The following TAF12 variants were observed in gnomAD, a reference collection of about 807,000 sequenced individuals.
The protein encoded by TAF12 is TATA-box binding protein associated factor 12, also known as transcription initiation factor TFIID subunit 12.
A neutral mutation model predicts 20.8 loss-of-function variants in TAF12; 3 were observed. The observed-to-expected ratio is 0.14, with a 90% CI of 0.07 to 0.37. The LOEUF (loss-of-function observed/expected upper bound fraction) is 0.37, where lower values mean the gene tolerates loss of function less well. TAF12 is among the 10% of genes least tolerant of loss of function. TAF12 has a pLI of 1.00. For synonymous variants in TAF12, 69 were observed against 70.2 expected (o/e 0.98, Z 0.09); for missense variants, 131 against 197.9 (o/e 0.66, Z 2.03).
chr1:28,633,892 A>G (rs1350368356), intron 1 of TAF12, among the ~76,000 whole-genome samples: 3 of 145,568 alleles, frequency 2.1e-5, no homozygotes, highest in Non-Finnish European at 4.5e-5. Flanking sequence ...AGCCTGGGCA[A>G]TGAAAGCGAA....
At chr1:28,610,728 G>A (rs1271926716) in intron 4 of TAF12, among the ~76,000 whole-genome samples, 1 of 152,060 alleles carries the variant, frequency 6.6e-6, no homozygotes, top group Non-Finnish European at 1.5e-5. Context: ...TAGGGAGGCT[G>A]AGCGGGGAGG....
chr1:28,624,120 A>G, intron 1 of TAF12: 1 of 444,392 alleles, frequency 2.3e-6, no homozygotes, highest in Non-Finnish European at 3.0e-6. Context: ...ACCAGGATCC[A>G]AGCAAACTGG....
Position 28,605,475 on chromosome 1 carries a change from C to A in TAF12, c.362-15G>T. 2.5e-6 allele frequency: 4 copies of A among 1,613,484 alleles called. No individual in the cohort carries two copies. Among genetic ancestry groups the A allele is most frequent in the Non-Finnish European group, 3.4e-6 (4 of 1,179,776 alleles). On this transcript the variant is annotated splice_polypyrimidine_tract_variant and intron_variant, in intron 4 of 5. Coordinates refer to ENST00000373824, the MANE Select transcript of TAF12 (RefSeq NM_005644.4). ...CCACTGGCGCTCTGCAAGGAAGAAG[C>A]CAGCACAGAGATAAACGTACCAAGA...
intron 4 of TAF12, among the ~76,000 whole-genome samples, chr1:28,611,526 A>G (rs756338020): frequency 5.3e-4 from 79 of 150,378 alleles, no homozygotes; most frequent in Non-Finnish European, 1.0e-3. Flanking sequence ...CTGGTGTCCT[A>G]TGAGAAGAAA....
At chr1:28,615,940 G>A (rs1317871826) in intron 3 of TAF12, among the ~76,000 whole-genome samples, 1 of 152,130 alleles carries the variant, frequency 6.6e-6, no homozygotes, top group Non-Finnish European at 1.5e-5. Flanking sequence ...TGTATTTAGT[G>A]ATGTCATGTT....
intron 1 of TAF12, among the ~76,000 whole-genome samples, chr1:28,637,999 T>G (rs1235507952): frequency 2.0e-5 from 3 of 151,834 alleles, no homozygotes; most frequent in Non-Finnish European, 4.4e-5. Context: ...TTTTGTTTAA[T>G]TATTATTATT....
At chr1:28,610,689 T>C (rs1372072350) in intron 4 of TAF12, among the ~76,000 whole-genome samples, 1 of 151,112 alleles carries the variant, frequency 6.6e-6, no homozygotes, top group East Asian at 2.0e-4. Flanking sequence ...CAGCCGGGCA[T>C]GGTGGCTCAC....
Position 28,621,960 on chromosome 1 carries a change from G to A in TAF12, c.122C>T (p.Pro41Leu). ...MANSTAVVKIPGTPGAGGRLS... is the reference protein window; with the variant it reads ...MANSTAVVKILGTPGAGGRLS... The stretch of plus-strand genomic sequence containing the variant: ...ACGACCTCCTGCCCCAGGAGTGCCT[G>A]GTATCTTTACCACTGCAGTACTATT... Residue 41 changes from proline (P) to leucine (L), a missense_variant, in exon 2 of 6, where the codon CCA becomes CTA. Physicochemically the swap from Pro to Leu is moderately conservative, Grantham distance 98 (BLOSUM62 -3). Around this residue, in one of 3 missense-constraint regions of TAF12, gnomAD observed 63 missense variants for 72.1 expected, o/e 0.87. Coordinates refer to ENST00000373824, the MANE Select transcript of TAF12 (RefSeq NM_005644.4). 1.2e-5 allele frequency: 20 copies of A among 1,613,810 alleles called. No homozygotes were observed. Among genetic ancestry groups the A allele is most frequent in the Non-Finnish European group, 1.7e-5 (20 of 1,179,952 alleles).
rs1185058912 is a variant in TAF12 at position 28,623,453 on chromosome 1, A to G, written c.-84-1288T>C. Among the ~76,000 whole-genome samples the G allele has an allele frequency of 4.0e-5, 6 of 151,882 alleles. No individual in the cohort carries two copies. The South Asian group carries it at 1.0e-3, about 26-fold the overall frequency. On this transcript the variant is annotated intron_variant, in intron 1 of 5. Transcript: ENST00000373824. ...GAAGAATTGCTTGAACTCGGGATGC[A>G]GAGGTTGACGAAACTCCATCTCAAA... is the stretch of plus-strand genomic sequence containing the variant.
At chr1:28,639,846 C>CTT (rs113418227) in intron 1 of TAF12, among the ~76,000 whole-genome samples, 2 of 145,772 alleles carry the variant, frequency 1.4e-5, no homozygotes, top group Admixed American at 6.9e-5. Context: ...TTTCAAATTA[C>CTT]TTTTTTTTTT....
chr1:28,618,113 C>A, intron 2 of TAF12, 83 bp from the exon 3 acceptor site: 1 of 1,363,680 alleles, frequency 7.3e-7, no homozygotes, highest in Non-Finnish European at 1.0e-6. Context: ...GAAAGGCTGT[C>A]AAATTGTTGG....
chr1:28,647,833 C>T (rs1668237060), upstream of TAF12, among the ~76,000 whole-genome samples: 1 of 151,664 alleles, frequency 6.6e-6, no homozygotes, highest in Admixed American at 6.6e-5. Context: ...GATATCGCGC[C>T]ACTGCACTGC....
chr1:28,624,642 G>A (rs1214989902), intron 1 of TAF12, among the ~76,000 whole-genome samples: 1 of 152,114 alleles, frequency 6.6e-6, no homozygotes, highest in Non-Finnish European at 1.5e-5. Context: ...AGCTACTTGG[G>A]AGGCTGAGGC....
intron 1 of TAF12, among the ~76,000 whole-genome samples, chr1:28,639,008 C>T (rs1404884959): frequency 6.6e-6 from 1 of 151,686 alleles, no homozygotes; most frequent in East Asian, 2.0e-4. Context: ...ATCTCCTGAC[C>T]TCGTGATCCG....
At chr1:28,630,197 C>T (rs1469912931) in intron 1 of TAF12, among the ~76,000 whole-genome samples, 4 of 152,188 alleles carry the variant, frequency 2.6e-5, no homozygotes, top group Non-Finnish European at 5.9e-5. Context: ...CCTCCTGCCT[C>T]AGCCTCCCAA....
Position 28,603,454 on chromosome 1 carries a change from A to C in TAF12, c.*85T>G. ...TATGCTTCTCTGTAAAGCATTAAAA[A>C]AAAAAATCCAAGGATGAGATGGCTG... is the stretch of plus-strand genomic sequence containing the variant. On this transcript the variant is annotated 3_prime_UTR_variant, in exon 6 of 6. Transcript: ENST00000373824. 6.8e-7 allele frequency: 1 copy of C among 1,475,498 alleles called. No individual in the cohort carries two copies. 91.4% of individuals were successfully genotyped at this position (1,475,498 alleles called of 1,614,324 possible).
chr1:28,619,647 GA>G (rs56098932), intron 2 of TAF12, among the ~76,000 whole-genome samples: 14,522 of 59,458 alleles, frequency 0.24, 660 homozygotes, highest in Non-Finnish European at 0.3. Flanking sequence ...AAATTCCACT[GA>G]AAAAAAAAAA....
chr1:28,626,057 T>A (rs951676445), intron 1 of TAF12, among the ~76,000 whole-genome samples: 2 of 151,570 alleles, frequency 1.3e-5, no homozygotes, highest in African/African-American at 4.8e-5. Context: ...CTCAGCTCAC[T>A]GCAACCTCTG....
Position 28,622,050 on chromosome 1 carries a change from T to C in TAF12, c.32A>G (p.Asn11Ser), listed in dbSNP as rs867724132. The C allele has an allele frequency of 2.5e-6, 4 of 1,613,616 alleles. No individual in the cohort carries two copies. Among genetic ancestry groups the C allele is most frequent in the Non-Finnish European group, 2.5e-6 (3 of 1,179,910 alleles). Reference sequence around the variant, plus strand: ...TTTTATGGATGAGAAATTGGAGAGGTTGATTAGGGCTGAGGGGCCAAACTG... The same window carrying C: ...TTTTATGGATGAGAAATTGGAGAGGCTGATTAGGGCTGAGGGGCCAAACTG... MNQFGPSALI[N>S]LSNFSSIKPE... Residue 11 changes from asparagine to serine, a missense_variant, in exon 2 of 6, where the codon AAC becomes AGC. By Grantham distance (46) the Asn-to-Ser change is conservative. Transcript: ENST00000373824.
Sources: gnomAD v4.1 joint callset for allele counts (sites outside exome capture counted in the v4.1 genomes callset) on GRCh38, gnomAD v4.1.1 for gene constraint, gnomAD v4.1.1 regional missense constraint, MANE v1.5 for transcripts, NCBI Gene and HGNC (gene_info 2026-07-23, HGNC 2026-07-21) for gene names.